The following C16orf95 variants were observed in gnomAD, a reference collection of about 807,000 sequenced individuals.
The protein encoded by C16orf95 is chromosome 16 open reading frame 95.
C16orf95 carries 41 observed loss-of-function variants against 32.1 expected under a neutral mutation model. The ratio of observed to expected loss-of-function variants is 1.28; its 90% CI spans 1.00 to 1.66. C16orf95 has a LOEUF of 1.66. Ranked by LOEUF, C16orf95 falls within the 40% of genes most tolerant of loss-of-function variation. C16orf95 has a pLI of 0.00. For synonymous variants in C16orf95, 147 were observed against 128.9 expected (o/e 1.14, Z -0.95); for missense variants, 399 against 325.9 (o/e 1.22, Z -1.73).
intron 5 of C16orf95, among the ~76,000 whole-genome samples, chr16:87,307,917 CT>C (rs1046214346): frequency 6.6e-6 from 1 of 152,142 alleles, no homozygotes; most frequent in East Asian, 1.9e-4. Flanking sequence ...TCAATGCAGT[CT>C]TTTTTTACAT....
intron 3 of C16orf95, among the ~76,000 whole-genome samples, chr16:87,312,733 G>C (rs1911342071): frequency 1.3e-5 from 2 of 152,132 alleles, no homozygotes; most frequent in South Asian, 2.1e-4. Context: ...AAATTGAAAA[G>C]GGAGAAAGAA....
intron 6 of C16orf95, among the ~76,000 whole-genome samples, chr16:87,304,316 T>C (rs1252119037): frequency 6.6e-6 from 1 of 152,172 alleles, no homozygotes; most frequent in Non-Finnish European, 1.5e-5. Flanking sequence ...GCCCATCCTC[T>C]AAGGCTGGGA....
rs530532644 is a variant in C16orf95, at chr16:87,310,805, G to T, written c.477+345C>A. Among the ~76,000 whole-genome samples, 3 of 152,302 alleles carry T rather than the reference G, an allele frequency of 2.0e-5. No individual in the cohort carries two copies. The South Asian group carries it at 6.2e-4, about 32-fold the overall frequency. On this transcript the variant is annotated intron_variant, in intron 4 of 6. Coordinates refer to ENST00000567970, the MANE Select transcript of C16orf95 (RefSeq NM_001195124.3). Reference sequence around the variant, plus strand: ...GGTAGTGTGGGAAGGAGGAGGCAGGGAGGTGAGAGAGGTCAGGGAGAGTGC... The same window carrying T: ...GGTAGTGTGGGAAGGAGGAGGCAGGTAGGTGAGAGAGGTCAGGGAGAGTGC...
intron 5 of C16orf95, among the ~76,000 whole-genome samples, chr16:87,307,930 A>C (rs1479595328): frequency 6.6e-6 from 1 of 152,220 alleles, no homozygotes; most frequent in Non-Finnish European, 1.5e-5. Flanking sequence ...TTTTTACATC[A>C]TTAACTGAAG....
At chr16:87,315,707 G>C (rs1597348243) in intron 2 of C16orf95, 65 bp downstream of exon 2, 1 of 1,260,394 alleles carries the variant, frequency 7.9e-7, no homozygotes, top group East Asian at 2.7e-5. Context: ...CACATTCCCT[G>C]CTCTCCTCAC....
At position 87,305,812 on chromosome 16, in the gene C16orf95, TA is replaced by T. The variant is rs1567602796; in HGVS notation, c.607del (p.Tyr203ThrfsTer18). On this transcript the variant is annotated frameshift_variant, in exon 6 of 7. Coordinates refer to ENST00000567970, the MANE Select transcript of C16orf95 (RefSeq NM_001195124.3). LOFTEE classifies it high-confidence loss of function. This position sits in a 1 kb window ranked among gnomAD's most constrained non-coding sequence, Gnocchi z 4.2. ...LSKFQQLQAP[Y>X]QDQLPAPAAR... Reference sequence around the variant, plus strand: ...TGCAGGAGCCGGTAGCTGGTCCTGGTAGGGGGCCTGGAGCTGCTGGAACTTG... The same window carrying T: ...TGCAGGAGCCGGTAGCTGGTCCTGGTGGGGGCCTGGAGCTGCTGGAACTTG... 1 of 1,508,994 alleles carries T rather than the reference TA, an allele frequency of 6.6e-7. No homozygotes were observed. Among genetic ancestry groups the T allele is most frequent in the East Asian group, 2.6e-5 (1 of 38,748 alleles). The allele number at this position is 1,508,994 out of a possible 1,614,324, so 93.5% of individuals were successfully genotyped here. A position where few individuals can be genotyped will look rare whatever the true frequency, so the allele number is the denominator to read the frequency against.
chr16:87,314,817 T>C (rs945544338), intron 3 of C16orf95, among the ~76,000 whole-genome samples, 154 bp downstream of exon 3: 2 of 152,184 alleles, frequency 1.3e-5, no homozygotes, highest in South Asian at 4.1e-4. Context: ...ACATTACCCA[T>C]CTGACATGAA....
At chr16:87,316,252 A>G (rs368694057) in intron 1 of C16orf95, among the ~76,000 whole-genome samples, 3 of 152,334 alleles carry the variant, frequency 2.0e-5, no homozygotes, top group Admixed American at 1.3e-4. Flanking sequence ...CAAACTGTCC[A>G]TTAATGAACC....
chr16:87,317,065 G>C, intron 1 of C16orf95, 26 bp downstream of exon 1: 1 of 1,482,018 alleles, frequency 6.7e-7, no homozygotes, highest in Non-Finnish European at 9.0e-7. Flanking sequence ...TCGGGTAGCC[G>C]CGGGCAGGAT....
At chr16:87,310,040 G>T (rs905821857) in intron 5 of C16orf95, among the ~76,000 whole-genome samples, 6 of 152,180 alleles carry the variant, frequency 3.9e-5, no homozygotes, top group African/African-American at 1.4e-4. Context: ...GCGGGGAGTT[G>T]GTTTCATCCA....
intron 6 of C16orf95, chr16:87,303,324 G>C (rs1352678308): frequency 9.6e-6 from 5 of 521,410 alleles, no homozygotes; most frequent in African/African-American, 9.5e-5. Context: ...TCTGAAAAGG[G>C]ATGATAATGC....
In C16orf95 at chr16:87,305,694, T is replaced by G; in HGVS notation, c.701+25A>C. 1 of 1,477,654 alleles carries G rather than the reference T, an allele frequency of 6.8e-7. No homozygotes were observed. Among genetic ancestry groups the G allele is most frequent in the Non-Finnish European group, 8.9e-7 (1 of 1,119,496 alleles). The allele number at this position is 1,477,654 out of a possible 1,614,324, so 91.5% of individuals were successfully genotyped here. On this transcript the variant is annotated intron_variant, in intron 6 of 6. Transcript: ENST00000567970. The surrounding 1 kb of genome is among the most constrained non-coding windows in gnomAD (Gnocchi z 4.2). The stretch of plus-strand genomic sequence containing the variant: ...ACGTCACCATGCCAGGGCCACCCAC[T>G]GTCCCCCATCCCCCACCTGCTCACC...
chr16:87,310,798 A>C (rs1911246994), intron 4 of C16orf95, among the ~76,000 whole-genome samples: 2 of 152,130 alleles, frequency 1.3e-5, no homozygotes, highest in Admixed American at 6.5e-5. Flanking sequence ...GGGAAGGAGG[A>C]GGCAGGGAGG....
intron 1 of C16orf95, among the ~76,000 whole-genome samples, chr16:87,316,505 A>G (rs1029745636): frequency 6.6e-6 from 1 of 152,226 alleles, no homozygotes; most frequent in Non-Finnish European, 1.5e-5. Flanking sequence ...AATAACCATT[A>G]TTATTATTGC....
chr16:87,310,362 C>G (rs1269699849), intron 4 of C16orf95, 29 bp from the exon 5 acceptor site: 2 of 1,535,810 alleles, frequency 1.3e-6, no homozygotes, highest in Admixed American at 3.9e-5. Flanking sequence ...GGCAAGCAGT[C>G]AGCCTGGCGA....
At chr16:87,311,341 C>T in intron 3 of C16orf95, 45 bp from the exon 4 acceptor site, 2 of 1,475,644 alleles carry the variant, frequency 1.4e-6, no homozygotes, top group South Asian at 1.3e-5. Context: ...GGGATGGAGC[C>T]ATGCCTGTCC....
chr16:87,315,669 T>G, intron 2 of C16orf95, 103 bp downstream of exon 2: 1 of 885,572 alleles, frequency 1.1e-6, no homozygotes, highest in South Asian at 2.1e-5. Context: ...GTTTGGAGGA[T>G]TCTCTCATGG....
At chr16:87,317,024 A>G in intron 1 of C16orf95, 67 bp downstream of exon 1, 3 of 1,456,658 alleles carry the variant, frequency 2.1e-6, no homozygotes, top group Non-Finnish European at 2.7e-6. Context: ...GTCATGGAGC[A>G]ATGCCGGGCC....
Position 87,305,485 on chromosome 16 carries a change from T to G in C16orf95, c.701+234A>C, listed in dbSNP as rs1282150893. Among the ~76,000 whole-genome samples the G allele has an allele frequency of 1.3e-5, 1 of 76,482 alleles. No homozygotes were observed. The highest frequency in any genetic ancestry group is 3.5e-5 in the Non-Finnish European group (1 of 28,540). The allele number at this position is 76,482 out of a possible 152,430, so 50.2% of individuals were successfully genotyped here. ...CTTGGGAAGAGGGAAGGGGTGGAAG[T>G]GCCCCACGAGGCCCCCGCCGCCCCC... is the stretch of plus-strand genomic sequence containing the variant. On this transcript the variant is annotated intron_variant, in intron 6 of 6. Transcript: ENST00000567970. The surrounding 1 kb of genome is among the most constrained non-coding windows in gnomAD (Gnocchi z 4.2).
Sources: allele counts gnomAD v4.1 joint callset (sites outside exome capture counted in the v4.1 genomes callset), GRCh38; gene constraint gnomAD v4.1.1; non-coding constraint Gnocchi (gnomAD v3.1); transcripts MANE v1.5; gene names NCBI Gene and HGNC (gene_info 2026-07-23, HGNC 2026-07-21).